ZNF292: variants seen among roughly 807,000 people sequenced by gnomAD.
ZNF292 encodes the protein 16 zinc-finger domain protein.
Under a neutral mutation model 217.9 loss-of-function variants are expected in ZNF292, and 26 were observed. That is an observed-to-expected ratio of 0.12 (90% CI 0.09 to 0.17). ZNF292 has a LOEUF of 0.17. Among genes scored for constraint, ZNF292 ranks in the 10% least tolerant of loss-of-function variants. The pLI, the probability that ZNF292 is intolerant of heterozygous loss-of-function variation, is 1.00. For synonymous variants in ZNF292, 1,257 were observed against 1,124.1 expected, an observed-to-expected ratio of 1.12 and a Z score of -2.37; for missense variants, 2,904 against 3,175.2, an observed-to-expected ratio of 0.91 and a Z score of 2.05.
chr6:87,170,979 T>C (rs1051469339), intron 1 of ZNF292, among the ~76,000 whole-genome samples: 2 of 152,240 alleles, frequency 1.3e-5, no homozygotes, highest in African/African-American at 4.8e-5. Context: ...GGAAACACTT[T>C]GGATGTTTTA....
chr6:87,260,060 C>T lies in ZNF292; in HGVS notation c.6431C>T (p.Pro2144Leu), dbSNP rs530905848. 3.3e-5 allele frequency: 53 copies of T among 1,613,452 alleles called. No individual in the cohort carries two copies. Among genetic ancestry groups the T allele is most frequent in the Non-Finnish European group, 4.1e-5 (48 of 1,179,646 alleles). Reference protein sequence around the residue: ...HYQAVHKSDLPAFSAEVEEES... With the variant: ...HYQAVHKSDLLAFSAEVEEES... ...CAGGCTGTACACAAATCAGATCTAC[C>T]TGCATTTTCAGCAGAGGTCGAAGAG... The change falls in exon 8 of 8, where the codon CCT becomes CTT. Residue 2144 changes from proline to leucine, a missense_variant. Physicochemically the swap from Pro to Leu is moderately conservative, Grantham distance 98. Around this residue, in one of 15 missense-constraint regions of ZNF292, gnomAD observed 261 missense variants for 272.8 expected, o/e 0.96. Coordinates refer to ENST00000369577, the MANE Select transcript of ZNF292 (RefSeq NM_015021.3).
In ZNF292 at chr6:87,257,700, A is replaced by G; in HGVS notation, c.4071A>G (p.Lys1357=). The G allele has an allele frequency of 1.2e-6, 2 of 1,613,050 alleles. No homozygotes were observed. The highest frequency in any genetic ancestry group is 8.5e-7 in the Non-Finnish European group (1 of 1,179,478). The part of the protein sequence containing the change: ...RGRGPNGKER[K]PKHNKRAKWP... The stretch of plus-strand genomic sequence containing the variant: ...GGGGCCCAAATGGGAAGGAAAGAAA[A>G]CCTAAGCACAACAAAAGGGCTAAAT... The change falls in exon 8 of 8, where the codon AAA becomes AAG. Residue 1357 remains lysine (K), a synonymous_variant. Transcript: ENST00000369577.
At chr6:87,186,519 A>G (rs1161503618) in intron 1 of ZNF292, among the ~76,000 whole-genome samples, 2 of 152,252 alleles carry the variant, frequency 1.3e-5, no homozygotes, top group African/African-American at 4.8e-5. Context: ...AAAGAAAACA[A>G]TATGAACTAA....
chr6:87,211,438 A>G (rs971102354), intron 1 of ZNF292, among the ~76,000 whole-genome samples: 1 of 152,054 alleles, frequency 6.6e-6, no homozygotes, highest in Non-Finnish European at 1.5e-5. Flanking sequence ...TTATTTCTCC[A>G]GAAATGTATC....
At chr6:87,190,345 TC>T (rs1771788854) in intron 1 of ZNF292, among the ~76,000 whole-genome samples, 1 of 152,234 alleles carries the variant, frequency 6.6e-6, no homozygotes, top group African/African-American at 2.4e-5. Flanking sequence ...TTAAGAAAGA[TC>T]CTAGGAGATT....
At chr6:87,210,144 A>ATG (rs1443959574) in intron 1 of ZNF292, among the ~76,000 whole-genome samples, 1 of 152,202 alleles carries the variant, frequency 6.6e-6, no homozygotes, top group Admixed American at 6.5e-5. Flanking sequence ...TCCCTAAAGC[A>ATG]TGTATGTTCT....
intron 4 of ZNF292, among the ~76,000 whole-genome samples, chr6:87,226,810 C>T (rs1282000911): frequency 2.0e-5 from 3 of 151,702 alleles, no homozygotes; most frequent in East Asian, 1.9e-4. Context: ...TCCCGAGTAG[C>T]GGGGACTACA....
intron 1 of ZNF292, among the ~76,000 whole-genome samples, chr6:87,164,539 C>T (rs897202917): frequency 1.3e-5 from 2 of 152,120 alleles, no homozygotes; most frequent in African/African-American, 2.4e-5. Flanking sequence ...CCTTTATTCC[C>T]TACTGTAGTG....
rs542867448 is a variant in ZNF292, at chr6:87,264,216, G to A, written c.*2415G>A. On this transcript the variant is annotated 3_prime_UTR_variant, in exon 8 of 8. Transcript: ENST00000369577. The stretch of plus-strand genomic sequence containing the variant: ...ATGGTATACTTTTCCCCAGCCTATT[G>A]TCTTGAGATATCTTCTACAGCCTAA... 1.7e-4 allele frequency: 26 copies of A among 151,970 alleles called. No individual in the cohort carries two copies. Among genetic ancestry groups the A allele is most frequent in the Admixed American group, 5.2e-4 (8 of 15,246 alleles). The allele number at this position is 151,970 out of a possible 1,614,324, so 9.4% of individuals were successfully genotyped here.
At chr6:87,207,793 C>G (rs1226505484) in intron 1 of ZNF292, among the ~76,000 whole-genome samples, 1 of 152,182 alleles carries the variant, frequency 6.6e-6, no homozygotes. Context: ...GGTTATCTAT[C>G]AATTTCATCT....
intron 1 of ZNF292, among the ~76,000 whole-genome samples, chr6:87,175,821 C>G (rs748921562): frequency 5.9e-5 from 9 of 152,128 alleles, no homozygotes; most frequent in Non-Finnish European, 1.3e-4. Context: ...TTTGGAAAAT[C>G]AGAAGATCTG....
chr6:87,177,479 GT>G (rs1771339784), intron 1 of ZNF292, among the ~76,000 whole-genome samples: 1 of 152,064 alleles, frequency 6.6e-6, no homozygotes, highest in African/African-American at 2.4e-5. Context: ...TGGCTACATA[GT>G]TTTCTTGCCA....
chr6:87,158,599 G>C (rs1400498273), intron 1 of ZNF292, among the ~76,000 whole-genome samples: 2 of 152,166 alleles, frequency 1.3e-5, no homozygotes, highest in Non-Finnish European at 2.9e-5. Flanking sequence ...ATTTGAACCC[G>C]GGAGGCAGAG....
intron 1 of ZNF292, among the ~76,000 whole-genome samples, chr6:87,188,641 T>C (rs1363778980): frequency 2.0e-5 from 3 of 152,092 alleles, no homozygotes; most frequent in African/African-American, 4.8e-5. Context: ...AAAATGCTTA[T>C]GTTGAAATTA....
intron 7 of ZNF292, among the ~76,000 whole-genome samples, chr6:87,248,603 AG>A (rs1379813194): frequency 2.6e-5 from 4 of 152,180 alleles, no homozygotes. Context: ...AAAACCTGAA[AG>A]GGGCCAATAA....
At chr6:87,211,113 A>G (rs1490877580) in intron 1 of ZNF292, among the ~76,000 whole-genome samples, 1 of 152,202 alleles carries the variant, frequency 6.6e-6, no homozygotes, top group East Asian at 1.9e-4. Context: ...TCTTTAATAT[A>G]TGACTCCTTT....
chr6:87,168,613 G>A (rs567170527), intron 1 of ZNF292, among the ~76,000 whole-genome samples: 1 of 152,234 alleles, frequency 6.6e-6, no homozygotes, highest in African/African-American at 2.4e-5. Context: ...GGGATTACAG[G>A]TGCGCACCTC....
chr6:87,216,104 C>A, intron 2 of ZNF292, 47 bp downstream of exon 2: 7 of 672,012 alleles, frequency 1.0e-5, no homozygotes, highest in Non-Finnish European at 1.3e-5. Context: ...TTTAAAAATA[C>A]ATAGACACAC....
chr6:87,221,584 G>A (rs1438907406), intron 4 of ZNF292, among the ~76,000 whole-genome samples: 1 of 152,080 alleles, frequency 6.6e-6, no homozygotes, highest in East Asian at 1.9e-4. Flanking sequence ...TCTTTCACTT[G>A]GTAGCAATTG....
Sources: allele counts gnomAD v4.1 joint callset (sites outside exome capture counted in the v4.1 genomes callset), GRCh38; gene constraint gnomAD v4.1.1; regional missense constraint gnomAD v4.1.1; transcripts MANE v1.5; gene names NCBI Gene and HGNC (gene_info 2026-07-23, HGNC 2026-07-21).